FHIT: variants seen among roughly 807,000 people sequenced by gnomAD.
FHIT encodes the protein bis(5'-adenosyl)-triphosphatase.
FHIT carries 19 observed loss-of-function variants against 17.9 expected under a neutral mutation model. The ratio of observed to expected loss-of-function variants is 1.06; its 90% CI spans 0.74 to 1.56. The LOEUF is 1.56. FHIT is among the 40% of genes most tolerant of loss of function. The probability of loss-of-function intolerance (pLI) is 0.00; values close to 1 mark genes in which losing one functional copy is unlikely to be tolerated. For missense variants in FHIT, 248 were observed against 189.2 expected (o/e 1.31, Z -1.82); for synonymous variants, 81 against 69.7 (o/e 1.16, Z -0.81).
chr3:60,099,661 T>G (rs1325141268), intron 5 of FHIT, among the ~76,000 whole-genome samples: 2 of 152,188 alleles, frequency 1.3e-5, no homozygotes, highest in African/African-American at 4.8e-5. Flanking sequence ...CCCGACATAT[T>G]TACATACTTT....
intron 1 of FHIT, among the ~76,000 whole-genome samples, chr3:61,236,058 C>T (rs2040222157): frequency 6.6e-6 from 1 of 151,340 alleles, no homozygotes; most frequent in Non-Finnish European, 1.5e-5. Flanking sequence ...TCTTACTATC[C>T]CCATTTTTAG....
intron 5 of FHIT, among the ~76,000 whole-genome samples, chr3:60,207,951 G>A (rs956271248): frequency 6.6e-6 from 1 of 152,134 alleles, no homozygotes; most frequent in African/African-American, 2.4e-5. Context: ...GCTCAGGAAG[G>A]TGAGGAGCTG....
intron 5 of FHIT, among the ~76,000 whole-genome samples, chr3:60,235,231 G>T (rs895026296): frequency 2.7e-5 from 4 of 147,290 alleles, no homozygotes; most frequent in Admixed American, 6.7e-5. Flanking sequence ...GCTTTTGTTT[G>T]TTGTTTTTTT....
chr3:60,630,301 G>T (rs915658889), intron 4 of FHIT, among the ~76,000 whole-genome samples: 4 of 152,178 alleles, frequency 2.6e-5, no homozygotes, highest in African/African-American at 9.7e-5. Flanking sequence ...ACCAAAAGAA[G>T]ACACTACTGG....
Position 60,526,098 on chromosome 3 carries a change from G to A in FHIT, c.103+10762C>T, listed in dbSNP as rs1454129600. Among the ~76,000 whole-genome samples the A allele has an allele frequency of 1.1e-4, 17 of 149,272 alleles. No homozygotes were observed. In the Admixed American group the frequency reaches 1.2e-3, roughly 10 times the overall value. On this transcript the variant is annotated intron_variant, in intron 5 of 9. Transcript: ENST00000492590. ...AGCTTGGATGACAGAGTGAGACCCTGTCTCAAAAACAAAAACACAAAATGA... is the reference window on the plus strand; with the variant it reads ...AGCTTGGATGACAGAGTGAGACCCTATCTCAAAAACAAAAACACAAAATGA...
At chr3:60,454,693 C>T (rs1242289473) in intron 5 of FHIT, among the ~76,000 whole-genome samples, 1 of 152,176 alleles carries the variant, frequency 6.6e-6, no homozygotes. Flanking sequence ...CTTAACCTAA[C>T]TTTTAAAGTC....
chr3:60,019,141 C>T (rs1462068002), intron 5 of FHIT, among the ~76,000 whole-genome samples: 1 of 152,196 alleles, frequency 6.6e-6, no homozygotes, highest in East Asian at 1.9e-4. Context: ...AGGCCCTTCA[C>T]TCTACATGCT....
At chr3:60,516,479 G>A (rs537140463) in intron 5 of FHIT, among the ~76,000 whole-genome samples, 4 of 152,136 alleles carry the variant, frequency 2.6e-5, no homozygotes, top group Non-Finnish European at 5.9e-5. Flanking sequence ...AGGTCTTGGG[G>A]ACCTTCCGGG....
At chr3:60,083,012 G>A (rs1703355780) in intron 5 of FHIT, among the ~76,000 whole-genome samples, 1 of 152,034 alleles carries the variant, frequency 6.6e-6, no homozygotes, top group Non-Finnish European at 1.5e-5. Flanking sequence ...CATTGCTTTT[G>A]AAGACTTTGT....
Position 60,695,345 on chromosome 3 carries a change from G to A in FHIT, c.-18+126574C>T, listed in dbSNP as rs935190312. On this transcript the variant is annotated intron_variant, in intron 4 of 9. Coordinates refer to ENST00000492590, the MANE Select transcript of FHIT (RefSeq NM_002012.4). ...CAGGAGGCAAAGGTTGCAGTGAGCC[G>A]AGATTGTGCCACTGCACTCCAGCCT... Among the ~76,000 whole-genome samples the A allele has an allele frequency of 7.2e-5, 11 of 152,104 alleles. No individual in the cohort carries two copies. In the East Asian group the frequency reaches 1.7e-3, roughly 24 times the overall value.
At chr3:60,265,747 A>T (rs1038648159) in intron 5 of FHIT, among the ~76,000 whole-genome samples, 4 of 151,912 alleles carry the variant, frequency 2.6e-5, no homozygotes. Context: ...GATGATTCAA[A>T]TTTTTTAAAT....
chr3:60,060,854 T>C (rs186251263), intron 5 of FHIT, among the ~76,000 whole-genome samples: 1 of 152,202 alleles, frequency 6.6e-6, no homozygotes, highest in Non-Finnish European at 1.5e-5. Flanking sequence ...CTTGGAAAAA[T>C]GCACTGTAGC....
chr3:60,552,897 T>G (rs1490765846), intron 4 of FHIT, among the ~76,000 whole-genome samples: 1 of 152,190 alleles, frequency 6.6e-6, no homozygotes, highest in Non-Finnish European at 1.5e-5. Context: ...TCTGGATGGG[T>G]TTTCTCCAGG....
At chr3:60,898,517 T>C (rs934919923) in intron 3 of FHIT, among the ~76,000 whole-genome samples, 5 of 152,196 alleles carry the variant, frequency 3.3e-5, no homozygotes, top group Non-Finnish European at 7.3e-5. Context: ...GTAATCCTTT[T>C]TATCTCCTGA....
chr3:60,914,166 C>A (rs1706883306), intron 3 of FHIT, among the ~76,000 whole-genome samples: 2 of 152,152 alleles, frequency 1.3e-5, no homozygotes, highest in South Asian at 4.1e-4. Flanking sequence ...CAAACAGCCA[C>A]TTCATTTCAA....
At chr3:59,819,746 G>T (rs1056528573) in intron 8 of FHIT, among the ~76,000 whole-genome samples, 3 of 152,138 alleles carry the variant, frequency 2.0e-5, no homozygotes, top group Non-Finnish European at 2.9e-5. Context: ...CTCTATTAAT[G>T]GATGCTACGG....
intron 5 of FHIT, among the ~76,000 whole-genome samples, chr3:60,500,826 G>C (rs2107523262): frequency 6.8e-6 from 1 of 146,644 alleles, no homozygotes; most frequent in East Asian, 2.0e-4. Context: ...CATTAGGTCA[G>C]CTGGCTGAAA....
At chr3:61,225,471 C>G (rs2039946670) in intron 1 of FHIT, among the ~76,000 whole-genome samples, 1 of 152,094 alleles carries the variant, frequency 6.6e-6, no homozygotes, top group Non-Finnish European at 1.5e-5. Context: ...ATGGTCATAC[C>G]AAATTCAGAA....
intron 4 of FHIT, among the ~76,000 whole-genome samples, chr3:60,712,065 A>C (rs1421734006): frequency 6.6e-6 from 1 of 152,242 alleles, no homozygotes; most frequent in Non-Finnish European, 1.5e-5. Context: ...TCAGACTAAC[A>C]GCTGATCTCT....
Sources: allele counts gnomAD v4.1 joint callset (sites outside exome capture counted in the v4.1 genomes callset), GRCh38; gene constraint gnomAD v4.1.1; transcripts MANE v1.5; gene names NCBI Gene and HGNC (gene_info 2026-07-23, HGNC 2026-07-21).